Variants in SPATA31E1 observed in about 807,000 individuals in gnomAD.
SPATA31E1 encodes SPATA31 subfamily E member 1, also known as spermatogenesis-associated protein 31E1.
A neutral mutation model predicts 12.9 loss-of-function variants in SPATA31E1; 7 were observed. The ratio of observed to expected loss-of-function variants is 0.54; its 90% CI spans 0.31 to 1.02. SPATA31E1 has a LOEUF of 1.02. SPATA31E1 is among the 50% of genes least tolerant of loss of function. The pLI is 0.05. For synonymous variants in SPATA31E1, 771 were observed against 719.0 expected (o/e 1.07, Z -1.16); for missense variants, 1,961 against 1,799.8 (o/e 1.09, Z -1.62).
In SPATA31E1 at chr9:87,885,211, T is replaced by A; in HGVS notation, c.724T>A (p.Phe242Ile). The change falls in exon 4 of 4, where the codon TTT (phenylalanine) becomes ATT (isoleucine). Residue 242 changes from phenylalanine to isoleucine, a missense_variant. Coordinates refer to ENST00000325643, the MANE Select transcript of SPATA31E1 (RefSeq NM_178828.5). ...KCPATQPHVV[F>I]PPSPQPHGPL... Reference sequence around the variant, plus strand: ...CCCTGCAACCCAGCCACATGTGGTTTTTCCTCCTTCACCACAGCCGCATGG... The same window carrying A: ...CCCTGCAACCCAGCCACATGTGGTTATTCCTCCTTCACCACAGCCGCATGG... 1 of 1,613,914 alleles carries A rather than the reference T, an allele frequency of 6.2e-7. No individual in the cohort carries two copies. The highest frequency in any genetic ancestry group is 8.5e-7 in the Non-Finnish European group (1 of 1,179,960).
rs138200456 is a variant in SPATA31E1, at chr9:87,885,882, T to C, written c.1395T>C (p.Asn465=). ...TTTCTAGGAACCCTTCCTCACAGAA[T>C]GCACACTCTGTACCACTGGATAAAG... ...VWVSRNPSSQ[N]AHSVPLDKAS... The change falls in exon 4 of 4, where the codon AAT becomes AAC. Residue 465 remains asparagine, a synonymous_variant. Coordinates refer to ENST00000325643, the MANE Select transcript of SPATA31E1 (RefSeq NM_178828.5). 5.8e-5 allele frequency: 94 copies of C among 1,614,008 alleles called. 1 individual carries two copies. The highest frequency in any genetic ancestry group is 6.2e-5 in the Non-Finnish European group (73 of 1,180,026).
Position 87,885,176 on chromosome 9 carries a change from C to T in SPATA31E1, c.689C>T (p.Pro230Leu), listed in dbSNP as rs748665237. The T allele has an allele frequency of 7.4e-6, 12 of 1,614,022 alleles. No individual in the cohort carries two copies. The South Asian group carries it at 1.3e-4, about 18-fold the overall frequency. The part of the protein sequence containing the change: ...SASGPPEPLL[P>L]LKCPATQPHV... ...TCCGGGCCACCAGAGCCCTTGCTTC[C>T]CCTAAAATGCCCTGCAACCCAGCCA... Residue 230 changes from proline to leucine, a missense_variant, in exon 4 of 4, where the codon CCC (proline) becomes CTC (leucine). Coordinates refer to ENST00000325643, the MANE Select transcript of SPATA31E1 (RefSeq NM_178828.5).
In SPATA31E1 at chr9:87,886,571, G is replaced by C. The variant is rs894321414; in HGVS notation, c.2084G>C (p.Gly695Ala). 10 of 1,613,976 alleles carry C rather than the reference G, an allele frequency of 6.2e-6. No homozygotes were observed. Among genetic ancestry groups the C allele is most frequent in the East Asian group, 2.2e-5 (1 of 44,880 alleles). ...GKGRKDVQKT[G>A]FRSSGRFSDK... is the part of the protein sequence containing the mutation. ...GGCAGGAAGGATGTGCAGAAGACCG[G>C]GTTCAGGAGCTCCGGAAGGTTCTCT... is the stretch of plus-strand genomic sequence containing the variant. The change falls in exon 4 of 4, where the codon GGG becomes GCG. Residue 695 changes from glycine to alanine, a missense_variant. Physicochemically the swap from Gly to Ala is moderately conservative, Grantham distance 60 (BLOSUM62 0). Coordinates refer to ENST00000325643, the MANE Select transcript of SPATA31E1 (RefSeq NM_178828.5).
rs769253037 is a variant in SPATA31E1 at position 87,887,797 on chromosome 9, G to A, written c.3310G>A (p.Val1104Met). The part of the protein sequence containing the change: ...AQVVSEIALI[V>M]QVDSEEQLPG... Reference sequence around the variant, plus strand: ...GGTGGTCAGTGAGATTGCGCTCATAGTGCAGGTGGACTCAGAGGAGCAGCT... The same window carrying A: ...GGTGGTCAGTGAGATTGCGCTCATAATGCAGGTGGACTCAGAGGAGCAGCT... Residue 1104 changes from valine to methionine, a missense_variant, in exon 4 of 4, where the codon GTG becomes ATG. Val to Met is a conservative substitution (Grantham distance 21, BLOSUM62 1). Transcript: ENST00000325643. The A allele has an allele frequency of 6.2e-7, 1 of 1,613,958 alleles. No individual in the cohort carries two copies. The highest frequency in any genetic ancestry group is 2.2e-5 in the East Asian group (1 of 44,878).
intron 3 of SPATA31E1, 102 bp downstream of exon 3, chr9:87,884,753 G>C: frequency 6.6e-7 from 1 of 1,506,798 alleles, no homozygotes; most frequent in East Asian, 2.3e-5. Context: ...TCCCGGGAAG[G>C]GGACAGGAGG....
rs1281938795 is a variant in SPATA31E1, at chr9:87,888,198, G to A, written c.3711G>A (p.Arg1237=). 3 of 1,613,688 alleles carry A rather than the reference G, an allele frequency of 1.9e-6. No individual in the cohort carries two copies. Among genetic ancestry groups the A allele is most frequent in the African/African-American group, 2.7e-5 (2 of 74,942 alleles). ...ASGRSHPAQA[R]EIGDKQERKY... ...GGAGGAGCCACCCTGCCCAAGCCAG[G>A]GAAATAGGAGACAAACAAGAAAGGA... The change falls in exon 4 of 4, where the codon AGG becomes AGA. Residue 1237 remains arginine (R), a synonymous_variant. Coordinates refer to ENST00000325643, the MANE Select transcript of SPATA31E1 (RefSeq NM_178828.5).
Position 87,885,990 on chromosome 9 carries a change from C to T in SPATA31E1, c.1503C>T (p.Ala501=), listed in dbSNP as rs1828263102. Residue 501 remains alanine (A), a synonymous_variant, in exon 4 of 4, where the codon GCC becomes GCT. Coordinates refer to ENST00000325643, the MANE Select transcript of SPATA31E1 (RefSeq NM_178828.5). The part of the protein sequence containing the change: ...SQAPPQPHHM[A]QPQHFTPAWP... ...CACCGCCCCAGCCCCACCACATGGC[C>T]CAGCCCCAACATTTCACTCCAGCCT... is the stretch of plus-strand genomic sequence containing the variant. The T allele has an allele frequency of 2.5e-6, 4 of 1,613,080 alleles. No homozygotes were observed. The highest frequency in any genetic ancestry group is 3.4e-6 in the Non-Finnish European group (4 of 1,179,814).
chr9:87,884,789 G>C, intron 3 of SPATA31E1, 124 bp from the exon 4 acceptor site: 1 of 1,477,512 alleles, frequency 6.8e-7, no homozygotes, highest in South Asian at 1.2e-5. Flanking sequence ...GGCAGGCTTA[G>C]GCAGAGCTTT....
rs573180007 is a variant in SPATA31E1 at position 87,885,740 on chromosome 9, G to A, written c.1253G>A (p.Arg418His). Reference protein sequence around the residue: ...NVSTQPQQLPRPQQVSDATTV... With the variant: ...NVSTQPQQLPHPQQVSDATTV... ...TCAACCCAGCCACAGCAGCTGCCCC[G>A]TCCTCAGCAAGTCTCTGATGCCACA... The change falls in exon 4 of 4, where the codon CGT (arginine) becomes CAT (histidine). Residue 418 changes from arginine to histidine, a missense_variant. Coordinates refer to ENST00000325643, the MANE Select transcript of SPATA31E1 (RefSeq NM_178828.5). 56 of 1,613,888 alleles carry A rather than the reference G, an allele frequency of 3.5e-5. No individual in the cohort carries two copies. Among genetic ancestry groups the A allele is most frequent in the African/African-American group, 2.7e-5 (2 of 75,028 alleles).
chr9:87,883,085 T>G lies in SPATA31E1; in HGVS notation c.194T>G (p.Met65Arg), dbSNP rs142071983. 1.4e-3 allele frequency: 2,230 copies of G among 1,611,830 alleles called. 9 individuals are homozygous for G. The highest frequency in any genetic ancestry group is 1.5e-3 in the Non-Finnish European group (1,826 of 1,179,172). The change falls in exon 1 of 4, where the codon ATG (methionine) becomes AGG (arginine). Residue 65 changes from methionine to arginine, a missense_variant. Coordinates refer to ENST00000325643, the MANE Select transcript of SPATA31E1 (RefSeq NM_178828.5). ...TWLSPSSTPW[M>R]MDFILTSVCG... ...CTGAGCCCTAGCTCCACTCCCTGGA[T>G]GATGGATTTCATCCTCACCAGTGTG...
Position 87,886,173 on chromosome 9 carries a change from T to G in SPATA31E1, c.1686T>G (p.Thr562=). 6.2e-7 allele frequency: 1 copy of G among 1,607,596 alleles called. No homozygotes were observed. Among genetic ancestry groups the G allele is most frequent in the South Asian group, 1.1e-5 (1 of 90,398 alleles). The change falls in exon 4 of 4, where the codon ACT becomes ACG. Residue 562 remains threonine (T), a synonymous_variant. Coordinates refer to ENST00000325643, the MANE Select transcript of SPATA31E1 (RefSeq NM_178828.5). ...SQERTQSVIP[T]GKEYLEWPLK... ...AGAGGACACAGTCTGTCATCCCCAC[T>G]GGAAAGGAGTATCTTGAATGGCCCT...
In SPATA31E1 at chr9:87,885,375, G is replaced by C. The variant is rs1237624238; in HGVS notation, c.888G>C (p.Leu296=). 1.2e-6 allele frequency: 2 copies of C among 1,613,166 alleles called. No individual in the cohort carries two copies. Residue 296 remains leucine (L), a synonymous_variant, in exon 4 of 4, where the codon CTG becomes CTC. Transcript: ENST00000325643. ...CTCCAACCAGGGTGATCTCTGGCCT[G>C]GGGTGCTCCAGCGATCCCATCTGGG... ...LPPPTRVISG[L]GCSSDPIWDL...
chr9:87,888,694 G>GC lies in SPATA31E1; in HGVS notation c.4211dup (p.Pro1405ThrfsTer44), dbSNP rs35623360. The GC allele has an allele frequency of 1.9e-6, 3 of 1,613,944 alleles. No individual in the cohort carries two copies. The highest frequency in any genetic ancestry group is 2.5e-6 in the Non-Finnish European group (3 of 1,179,982). Reference sequence around the variant, plus strand: ...CATCAGAGACAGAGACAGCAGTTGGGCCCCACCTCCCAGGGAGCCTGTGTC... The same window carrying GC: ...CATCAGAGACAGAGACAGCAGTTGGGCCCCCACCTCCCAGGGAGCCTGTGTC... On this transcript the variant is annotated frameshift_variant, in exon 4 of 4. Coordinates refer to ENST00000325643, the MANE Select transcript of SPATA31E1 (RefSeq NM_178828.5). LOFTEE classifies it low-confidence loss of function (END_TRUNC).
Position 87,886,622 on chromosome 9 carries a change from T to C in SPATA31E1, c.2135T>C (p.Leu712Pro). ...FSDKGCLGSK[L>P]GPDPSRDQGS... Reference sequence around the variant, plus strand: ...GACAAGGGGTGCTTAGGGTCCAAACTAGGGCCGGACCCAAGCCGGGATCAA... The same window carrying C: ...GACAAGGGGTGCTTAGGGTCCAAACCAGGGCCGGACCCAAGCCGGGATCAA... Residue 712 changes from leucine (L) to proline (P), a missense_variant, in exon 4 of 4, where the codon CTA becomes CCA. Physicochemically the swap from Leu to Pro is moderately conservative, Grantham distance 98. Transcript: ENST00000325643. 6.2e-7 allele frequency: 1 copy of C among 1,613,848 alleles called. No homozygotes were observed. The highest frequency in any genetic ancestry group is 2.2e-5 in the East Asian group (1 of 44,862).
Position 87,887,312 on chromosome 9 carries a change from C to A in SPATA31E1, c.2825C>A (p.Thr942Asn), listed in dbSNP as rs1346647660. ...RPPRGSQSAD[T>N]HGRSEAFPTG... is the part of the protein sequence containing the mutation. ...CCGAGAGGGTCCCAGTCAGCTGATA[C>A]CCATGGGCGATCAGAGGCCTTTCCG... The change falls in exon 4 of 4, where the codon ACC becomes AAC. Residue 942 changes from threonine (T) to asparagine (N), a missense_variant. Physicochemically the swap from Thr to Asn is moderately conservative, Grantham distance 65. Transcript: ENST00000325643. 1 of 1,613,810 alleles carries A rather than the reference C, an allele frequency of 6.2e-7. No homozygotes were observed. The highest frequency in any genetic ancestry group is 8.5e-7 in the Non-Finnish European group (1 of 1,180,000).
In SPATA31E1 at chr9:87,885,568, G is replaced by T. The variant is rs565943566; in HGVS notation, c.1081G>T (p.Val361Leu). ...VGGCTFIHPDVQKLLETLIAK... is the reference protein window; with the variant it reads ...VGGCTFIHPDLQKLLETLIAK... ...TGGCTGCACATTCATCCACCCTGACGTGCAGAAGCTGCTGGAGACCCTCAT... is the reference window on the plus strand; with the variant it reads ...TGGCTGCACATTCATCCACCCTGACTTGCAGAAGCTGCTGGAGACCCTCAT... The change falls in exon 4 of 4, where the codon GTG becomes TTG. Residue 361 changes from valine to leucine, a missense_variant. Physicochemically the swap from Val to Leu is conservative, Grantham distance 32. Coordinates refer to ENST00000325643, the MANE Select transcript of SPATA31E1 (RefSeq NM_178828.5). 5.6e-5 allele frequency: 91 copies of T among 1,614,158 alleles called. No individual in the cohort carries two copies. The South Asian group carries it at 9.7e-4, about 17-fold the overall frequency.
In SPATA31E1 at chr9:87,886,073, C is replaced by T. The variant is rs1356103024; in HGVS notation, c.1586C>T (p.Pro529Leu). The change falls in exon 4 of 4, where the codon CCC becomes CTC. Residue 529 changes from proline to leucine, a missense_variant. Physicochemically the swap from Pro to Leu is moderately conservative, Grantham distance 98. Coordinates refer to ENST00000325643, the MANE Select transcript of SPATA31E1 (RefSeq NM_178828.5). Reference protein sequence around the residue: ...AEIQTQAHLSPPVPSLGCSSP... With the variant: ...AEIQTQAHLSLPVPSLGCSSP... ...ATCCAGACCCAGGCCCACCTCTCACCCCCTGTCCCAAGCCTGGGGTGCTCT... is the reference window on the plus strand; with the variant it reads ...ATCCAGACCCAGGCCCACCTCTCACTCCCTGTCCCAAGCCTGGGGTGCTCT... 3 of 1,611,286 alleles carry T rather than the reference C, an allele frequency of 1.9e-6. No homozygotes were observed. Among genetic ancestry groups the T allele is most frequent in the East Asian group, 2.2e-5 (1 of 44,832 alleles).
At position 87,887,159 on chromosome 9, in the gene SPATA31E1, T is replaced by C. The variant is rs1828296034; in HGVS notation, c.2672T>C (p.Val891Ala). Residue 891 changes from valine (V) to alanine (A), a missense_variant, in exon 4 of 4, where the codon GTT becomes GCT. Val to Ala is a moderately conservative substitution (Grantham distance 64). Transcript: ENST00000325643. ...WVSRVESVPK[V>A]PIFLGKRPQN... ...TCTCGGGTTGAATCTGTACCCAAGG[T>C]TCCCATTTTCCTGGGAAAACGTCCT... 2.5e-6 allele frequency: 4 copies of C among 1,613,838 alleles called. No homozygotes were observed. Among genetic ancestry groups the C allele is most frequent in the Non-Finnish European group, 3.4e-6 (4 of 1,180,000 alleles).
chr9:87,884,064 C>A lies in SPATA31E1; in HGVS notation c.364+18C>A. 1 of 1,584,562 alleles carries A rather than the reference C, an allele frequency of 6.3e-7. No homozygotes were observed. The highest frequency in any genetic ancestry group is 1.2e-5 in the South Asian group (1 of 86,886). On this transcript the variant is annotated intron_variant, in intron 2 of 3. Coordinates refer to ENST00000325643, the MANE Select transcript of SPATA31E1 (RefSeq NM_178828.5). Reference sequence around the variant, plus strand: ...TCTGAAAGGTGAGGCTCTGCTGCCCCCCGGGACTCCCCAGAGGTAACTGAG... The same window carrying A: ...TCTGAAAGGTGAGGCTCTGCTGCCCACCGGGACTCCCCAGAGGTAACTGAG...
Sources: gnomAD v4.1 joint callset for allele counts on GRCh38, gnomAD v4.1.1 for gene constraint, MANE v1.5 for transcripts, NCBI Gene and HGNC (gene_info 2026-07-23, HGNC 2026-07-21) for gene names.